Variants in EMC1 observed in about 807,000 individuals in gnomAD.
EMC1 encodes ER membrane protein complex subunit 1.
Under a neutral mutation model 128.8 loss-of-function variants are expected in EMC1, and 103 were observed. The ratio of observed to expected loss-of-function variants is 0.80; its 90% CI spans 0.68 to 0.94. The LOEUF is 0.94. EMC1 is among the 40% of genes least tolerant of loss of function. The pLI, the probability that EMC1 is intolerant of heterozygous loss-of-function variation, is 0.00. For synonymous variants in EMC1, 442 were observed against 490.4 expected (o/e 0.90, Z 1.30); for missense variants, 1,083 against 1,250.6 (o/e 0.87, Z 2.02).
In EMC1 at chr1:19,243,933, G is replaced by A. The variant is rs367569219; in HGVS notation, c.286+17C>T. 6.2e-6 allele frequency: 10 copies of A among 1,613,466 alleles called. No homozygotes were observed. The highest frequency in any genetic ancestry group is 4.4e-5 in the South Asian group (4 of 91,062). ...GGAGCTGGCCGCACAATGGAGACACGGGAGGACTCTGCTTACCCTGTCCGT... is the reference window on the plus strand; with the variant it reads ...GGAGCTGGCCGCACAATGGAGACACAGGAGGACTCTGCTTACCCTGTCCGT... On this transcript the variant is annotated intron_variant, in intron 3 of 22. Transcript: ENST00000477853.
At position 19,219,641 on chromosome 1, in the gene EMC1, G is replaced by C. The variant is rs771125704; in HGVS notation, c.2730C>G (p.Ile910Met). The C allele has an allele frequency of 6.2e-7, 1 of 1,613,940 alleles. No homozygotes were observed. The highest frequency in any genetic ancestry group is 8.5e-7 in the Non-Finnish European group (1 of 1,179,996). Residue 910 changes from isoleucine to methionine, a missense_variant, in exon 22 of 23, where the codon ATC becomes ATG. Transcript: ENST00000477853. ...PDVQIHAERF[I>M]NYNQTVSRMR... Reference sequence around the variant, plus strand: ...TTCGAGAAACTGTCTGGTTATAGTTGATGAATCGCTCTGCGTGTATCTGTA... The same window carrying C: ...TTCGAGAAACTGTCTGGTTATAGTTCATGAATCGCTCTGCGTGTATCTGTA...
In EMC1 at chr1:19,232,851, C is replaced by G; in HGVS notation, c.1633-78G>C. 5 of 1,604,660 alleles carry G rather than the reference C, an allele frequency of 3.1e-6. No individual in the cohort carries two copies. The South Asian group carries it at 5.5e-5, about 18-fold the overall frequency. On this transcript the variant is annotated intron_variant, in intron 14 of 22. Transcript: ENST00000477853. The stretch of plus-strand genomic sequence containing the variant: ...TGAGTCTGTCCTTGAAAACTAGAAC[C>G]AGTGTTATCCCTCACTGAAGGCTTT...
rs1186840444 is a variant in EMC1, at chr1:19,223,535, T to C, written c.2237A>G (p.Glu746Gly). ...GCGCTCATGGTGCGCGTCTGTGCTC[T>C]CTGTCACCACGGCCAGCAGGTTGGG... ...LNPNLLAVVT[E>G]STDAHHERTF... The change falls in exon 19 of 23, where the codon GAG (glutamate) becomes GGG (glycine). Residue 746 changes from glutamate to glycine, a missense_variant. Around this residue, in one of 3 missense-constraint regions of EMC1, gnomAD observed 527 missense variants for 644.1 expected, o/e 0.82. Coordinates refer to ENST00000477853, the MANE Select transcript of EMC1 (RefSeq NM_015047.3). 1.6e-5 allele frequency: 26 copies of C among 1,614,032 alleles called. No individual in the cohort carries two copies. Among genetic ancestry groups the C allele is most frequent in the Non-Finnish European group, 2.2e-5 (26 of 1,180,040 alleles).
At position 19,216,239 on chromosome 1, in the gene EMC1, A is replaced by G. The variant is rs2093393883; in HGVS notation, c.*3064T>C. On this transcript the variant is annotated 3_prime_UTR_variant, in exon 23 of 23. Coordinates refer to ENST00000477853, the MANE Select transcript of EMC1 (RefSeq NM_015047.3). ...GTGACAGAGACCCTGCCTCCAAAAA[A>G]AAAGCAATTTATAAAGGCAGTGAAA... is the stretch of plus-strand genomic sequence containing the variant. 6.5e-6 allele frequency: 1 copy of G among 153,508 alleles called. No individual in the cohort carries two copies. The highest frequency in any genetic ancestry group is 6.6e-5 in the Admixed American group (1 of 15,266). The allele number at this position is 153,508 out of a possible 1,614,324, so 9.5% of individuals were successfully genotyped here.
rs755447062 is a variant in EMC1 at position 19,243,946 on chromosome 1, T to C, written c.286+4A>G. 1.3e-5 allele frequency: 21 copies of C among 1,614,044 alleles called. No individual in the cohort carries two copies. The highest frequency in any genetic ancestry group is 1.8e-5 in the Non-Finnish European group (21 of 1,179,944). On this transcript the variant is annotated splice_donor_region_variant and intron_variant, in intron 3 of 22. Transcript: ENST00000477853. ...CAATGGAGACACGGGAGGACTCTGCTTACCCTGTCCGTGCAGCAGCATGGC... is the reference window on the plus strand; with the variant it reads ...CAATGGAGACACGGGAGGACTCTGCCTACCCTGTCCGTGCAGCAGCATGGC...
At chr1:19,237,265 A>G in intron 11 of EMC1, 27 bp from the exon 12 acceptor site, 1 of 1,558,116 alleles carries the variant, frequency 6.4e-7, no homozygotes, top group Non-Finnish European at 8.9e-7. Context: ...AGACCGGTGT[A>G]GTCAGTGAGG....
At chr1:19,233,180 C>A (rs1412275433) in intron 13 of EMC1, 45 bp from the exon 14 acceptor site, 3 of 1,524,326 alleles carry the variant, frequency 2.0e-6, no homozygotes, top group Non-Finnish European at 9.0e-7. Context: ...GACTAGGGGT[C>A]CATAAGGAGG....
In EMC1 at chr1:19,242,380, A is replaced by G; in HGVS notation, c.474T>C (p.Ser158=). ...GATGTTCCACCCACTTGAGGTGCCC[A>G]CTGGAGAGGTGATGGAGGGCAAGTG... The part of the protein sequence containing the change: ...KTTLALHHLS[S]GHLKWVEHLP... The change falls in exon 5 of 23, where the codon AGT becomes AGC. Residue 158 remains serine (S), a synonymous_variant. Transcript: ENST00000477853. 2 of 1,614,110 alleles carry G rather than the reference A, an allele frequency of 1.2e-6. No individual in the cohort carries two copies. The highest frequency in any genetic ancestry group is 1.7e-6 in the Non-Finnish European group (2 of 1,179,962).
At chr1:19,237,339 G>C in intron 11 of EMC1, 101 bp from the exon 12 acceptor site, 2 of 807,442 alleles carry the variant, frequency 2.5e-6, no homozygotes, top group Non-Finnish European at 4.4e-6. Context: ...AGAGGTACAG[G>C]CCATGGCATT....
At chr1:19,234,854 G>GA (rs113797552) in intron 13 of EMC1, among the ~76,000 whole-genome samples, 36 of 140,260 alleles carry the variant, frequency 2.6e-4, no homozygotes, top group Admixed American at 6.4e-4. Context: ...CTCAAAAAAA[G>GA]AAAAAAAAAA....
intron 15 of EMC1, among the ~76,000 whole-genome samples, chr1:19,232,111 A>G (rs1269442075): frequency 6.6e-6 from 1 of 152,102 alleles, no homozygotes; most frequent in Non-Finnish European, 1.5e-5. Flanking sequence ...AACATACAAA[A>G]ATCAGCCGGG....
chr1:19,235,051 C>G (rs537125577), intron 13 of EMC1, 79 bp downstream of exon 13: 3 of 1,533,716 alleles, frequency 2.0e-6, no homozygotes. Context: ...GCCAGAGATG[C>G]ATGATACAGT....
Position 19,222,843 on chromosome 1 carries a change from A to G in EMC1, c.2377-9T>C. On this transcript the variant is annotated splice_polypyrimidine_tract_variant and intron_variant, in intron 19 of 22. Coordinates refer to ENST00000477853, the MANE Select transcript of EMC1 (RefSeq NM_015047.3). The stretch of plus-strand genomic sequence containing the variant: ...GTGTTCCAGTACTGGTACTGCAGGG[A>G]TAGGAGGTGGCAGCTCAGGGCTTAG... 6.3e-7 allele frequency: 1 copy of G among 1,594,412 alleles called. No homozygotes were observed. The highest frequency in any genetic ancestry group is 8.6e-7 in the Non-Finnish European group (1 of 1,166,808).
At position 19,251,492 on chromosome 1, in the gene EMC1, A is replaced by G. The variant is rs775939074; in HGVS notation, c.18T>C (p.Ala6=). 11 of 1,614,122 alleles carry G rather than the reference A, an allele frequency of 6.8e-6. No individual in the cohort carries two copies. The highest frequency in any genetic ancestry group is 7.6e-6 in the Non-Finnish European group (9 of 1,180,030). ...GCGTAGCCCAAAGCCAGAAACGAGA[A>G]GCCCACTCAGCCGCCATGATGCGAG... The part of the protein sequence containing the change: MAAEW[A]SRFWLWATLL... Residue 6 remains alanine (A), a synonymous_variant, in exon 1 of 23, where the codon GCT becomes GCC. Coordinates refer to ENST00000477853, the MANE Select transcript of EMC1 (RefSeq NM_015047.3).
At chr1:19,228,420 A>C (rs2093494239) in intron 17 of EMC1, among the ~76,000 whole-genome samples, 1 of 152,168 alleles carries the variant, frequency 6.6e-6, no homozygotes, top group Non-Finnish European at 1.5e-5. Context: ...TAGGAAACCA[A>C]CCAATAAACA....
At chr1:19,228,546 C>CTAT (rs1475247148) in intron 17 of EMC1, among the ~76,000 whole-genome samples, 1 of 152,118 alleles carries the variant, frequency 6.6e-6, no homozygotes, top group African/African-American at 2.4e-5. Flanking sequence ...GGAGCTGGTG[C>CTAT]TATTCTGTTT....
At position 19,216,510 on chromosome 1, in the gene EMC1, T is replaced by C. The variant is rs1227387057; in HGVS notation, c.*2793A>G. ...AAAAACATCTCATGTACCCCATAAG[T>C]ATATGTACCTAATATGTACCCACAA... On this transcript the variant is annotated 3_prime_UTR_variant, in exon 23 of 23. Transcript: ENST00000477853. The C allele has an allele frequency of 6.6e-6, 1 of 152,158 alleles. No homozygotes were observed. Among genetic ancestry groups the C allele is most frequent in the African/African-American group, 2.4e-5 (1 of 41,420 alleles). 9.4% of individuals were successfully genotyped at this position (152,158 alleles called of 1,614,324 possible). A position where few individuals can be genotyped will look rare whatever the true frequency, so the allele number is the denominator to read the frequency against.
At position 19,238,777 on chromosome 1, in the gene EMC1, C is replaced by T; in HGVS notation, c.1089+18G>A. 1.3e-6 allele frequency: 2 copies of T among 1,585,156 alleles called. No homozygotes were observed. The highest frequency in any genetic ancestry group is 1.1e-5 in the South Asian group (1 of 90,420). On this transcript the variant is annotated intron_variant, in intron 10 of 22. Transcript: ENST00000477853. Reference sequence around the variant, plus strand: ...CTGCGTCTCTAGGTCTGGCATACTGCCCAGTGCCACACCATACCTTTGAAC... The same window carrying T: ...CTGCGTCTCTAGGTCTGGCATACTGTCCAGTGCCACACCATACCTTTGAAC...
intron 12 of EMC1, 95 bp from the exon 13 acceptor site, chr1:19,235,347 C>A: frequency 7.5e-7 from 1 of 1,331,580 alleles, no homozygotes; most frequent in Non-Finnish European, 1.0e-6. Context: ...GTGGGTGAAT[C>A]TCTTGAGCCC....
Sources: gnomAD v4.1 joint callset for allele counts (sites outside exome capture counted in the v4.1 genomes callset) on GRCh38, gnomAD v4.1.1 for gene constraint, gnomAD v4.1.1 regional missense constraint, MANE v1.5 for transcripts, NCBI Gene and HGNC (gene_info 2026-07-23, HGNC 2026-07-21) for gene names.